The following DENND1B variants were observed in gnomAD, a reference collection of about 807,000 sequenced individuals.
The protein encoded by DENND1B is DENN domain-containing protein 1B.
Under a neutral mutation model 90.1 loss-of-function variants are expected in DENND1B, and 59 were observed. The observed-to-expected ratio is 0.65, with a 90% CI of 0.53 to 0.81. DENND1B has a LOEUF of 0.81. Ranked by LOEUF, DENND1B falls within the 40% of genes least tolerant of loss-of-function variation. The pLI is 0.00. For missense variants in DENND1B, 862 were observed against 912.6 expected, an observed-to-expected ratio of 0.94 and a Z score of 0.71; for synonymous variants, 337 against 324.6, an observed-to-expected ratio of 1.04 and a Z score of -0.41.
intron 3 of DENND1B, among the ~76,000 whole-genome samples, chr1:197,694,881 G>C (rs1029741650): frequency 6.6e-6 from 1 of 151,070 alleles, no homozygotes; most frequent in South Asian, 2.1e-4. Context: ...AGAAAAATAA[G>C]GTCATTTGTA....
chr1:197,773,071 T>TAACAATGA (rs1656823971), intron 1 of DENND1B, 139 bp from the exon 2 acceptor site: 3 of 750,654 alleles, frequency 4.0e-6, no homozygotes, highest in Non-Finnish European at 4.5e-6. Flanking sequence ...ATAGTAGAAA[T>TAACAATGA]AACAATGAAA....
intron 2 of DENND1B, among the ~76,000 whole-genome samples, chr1:197,715,603 AATAG>A (rs1373687095): frequency 6.6e-6 from 1 of 151,896 alleles, no homozygotes; most frequent in African/African-American, 2.4e-5. Flanking sequence ...TATTTGCAGT[AATAG>A]ATAAGTTGGT....
intron 15 of DENND1B, among the ~76,000 whole-genome samples, chr1:197,566,496 C>G (rs1008243428): frequency 1.3e-5 from 2 of 152,042 alleles, no homozygotes; most frequent in African/African-American, 2.4e-5. Context: ...ATATCTACAA[C>G]TCCTATAATT....
chr1:197,604,665 C>T (rs1348168602), intron 13 of DENND1B, among the ~76,000 whole-genome samples: 1 of 151,076 alleles, frequency 6.6e-6, no homozygotes, highest in African/African-American at 2.4e-5. Context: ...TCTCAGTTAA[C>T]CTATTAAACA....
At chr1:197,516,239 G>C (rs1485801904) in intron 20 of DENND1B, among the ~76,000 whole-genome samples, 1 of 151,638 alleles carries the variant, frequency 6.6e-6, no homozygotes, top group Non-Finnish European at 1.5e-5. Flanking sequence ...TATTATACAT[G>C]TACTTATGTA....
At chr1:197,523,425 G>A (rs1230816028) in intron 20 of DENND1B, among the ~76,000 whole-genome samples, 1 of 152,088 alleles carries the variant, frequency 6.6e-6, no homozygotes, top group Non-Finnish European at 1.5e-5. Context: ...TGCTAAGAAA[G>A]TCCCACTCCT....
intron 20 of DENND1B, among the ~76,000 whole-genome samples, chr1:197,525,490 G>A (rs1432977072): frequency 6.6e-6 from 1 of 152,000 alleles, no homozygotes; most frequent in African/African-American, 2.4e-5. Context: ...CTTAATACAT[G>A]ACAAGTCTAC....
At chr1:197,647,475 T>G (rs771182783) in intron 7 of DENND1B, among the ~76,000 whole-genome samples, 1 of 152,184 alleles carries the variant, frequency 6.6e-6, no homozygotes, top group African/African-American at 2.4e-5. Flanking sequence ...CATTTTAATC[T>G]TACATCATAA....
chr1:197,693,311 T>A (rs1452351935), intron 3 of DENND1B, among the ~76,000 whole-genome samples: 3 of 151,286 alleles, frequency 2.0e-5, no homozygotes, highest in African/African-American at 7.2e-5. Flanking sequence ...TAAATAATTG[T>A]TAAAAGGTAA....
At chr1:197,739,123 G>A (rs1008989729) in intron 2 of DENND1B, among the ~76,000 whole-genome samples, 2 of 152,152 alleles carry the variant, frequency 1.3e-5, no homozygotes, top group East Asian at 3.9e-4. Flanking sequence ...AAGAAATGGG[G>A]GGGAAATCCC....
At chr1:197,582,462 C>T (rs1223940025) in intron 15 of DENND1B, among the ~76,000 whole-genome samples, 2 of 152,124 alleles carry the variant, frequency 1.3e-5, no homozygotes, top group Non-Finnish European at 2.9e-5. Context: ...TTACACTTAA[C>T]ATTGTCATGC....
intron 10 of DENND1B, among the ~76,000 whole-genome samples, chr1:197,623,468 T>G (rs1040969104): frequency 6.6e-6 from 1 of 151,476 alleles, no homozygotes; most frequent in African/African-American, 2.4e-5. Flanking sequence ...TACTAAATAG[T>G]CTCACTTAAG....
At chr1:197,519,125 G>C (rs1198408918) in intron 20 of DENND1B, among the ~76,000 whole-genome samples, 1 of 151,912 alleles carries the variant, frequency 6.6e-6, no homozygotes, top group Non-Finnish European at 1.5e-5. Flanking sequence ...GTATCTGTCA[G>C]CATATACATT....
chr1:197,714,103 A>C (rs1660383150), intron 3 of DENND1B, among the ~76,000 whole-genome samples: 1 of 149,906 alleles, frequency 6.7e-6, no homozygotes, highest in Non-Finnish European at 1.5e-5. Flanking sequence ...CAGCCTCCCA[A>C]GTAGCTGAGA....
chr1:197,589,960 T>C (rs1571989895), intron 14 of DENND1B, among the ~76,000 whole-genome samples: 1 of 152,292 alleles, frequency 6.6e-6, no homozygotes, highest in African/African-American at 2.4e-5. Flanking sequence ...CAAACATTTC[T>C]TCAGCATTAG....
intron 3 of DENND1B, among the ~76,000 whole-genome samples, chr1:197,694,816 A>AT (rs1360057549): frequency 6.6e-6 from 1 of 151,368 alleles, no homozygotes. Context: ...AAAAATAGAT[A>AT]TAAAAACCTC....
At chr1:197,740,261 T>C (rs543409948) in intron 2 of DENND1B, among the ~76,000 whole-genome samples, 5 of 152,254 alleles carry the variant, frequency 3.3e-5, no homozygotes, top group South Asian at 2.1e-4. Context: ...GTTCCAGGGA[T>C]AGCAAGAAGC....
At chr1:197,703,831 C>G (rs1359351569) in intron 3 of DENND1B, among the ~76,000 whole-genome samples, 6 of 152,164 alleles carry the variant, frequency 3.9e-5, no homozygotes, top group Admixed American at 3.9e-4. Context: ...ATTCTCCATT[C>G]TTTTCAAATC....
intron 14 of DENND1B, among the ~76,000 whole-genome samples, chr1:197,584,464 T>C (rs924073255): frequency 2.0e-5 from 3 of 152,182 alleles, no homozygotes; most frequent in African/African-American, 7.2e-5. Context: ...GGCTACCATA[T>C]TGAACAGCAC....
Sources: gnomAD v4.1 joint callset for allele counts (sites outside exome capture counted in the v4.1 genomes callset) on GRCh38, gnomAD v4.1.1 for gene constraint, MANE v1.5 for transcripts, NCBI Gene and HGNC (gene_info 2026-07-23, HGNC 2026-07-21) for gene names.